Variants in FAM227B observed in about 807,000 individuals in gnomAD.
FAM227B encodes protein FAM227B.
Under a neutral mutation model 73.8 loss-of-function variants are expected in FAM227B, and 88 were observed. That is an observed-to-expected ratio of 1.19 (90% CI 1.00 to 1.42). FAM227B has a LOEUF of 1.42. Among genes scored for constraint, FAM227B ranks in the 40% most tolerant of loss-of-function variants. The pLI, the probability that FAM227B is intolerant of heterozygous loss-of-function variation, is 0.00. For synonymous variants in FAM227B, 210 were observed against 190.5 expected (o/e 1.10, Z -0.84); for missense variants, 632 against 590.9 (o/e 1.07, Z -0.72).
intron 8 of FAM227B, among the ~76,000 whole-genome samples, chr15:49,573,439 A>G (rs1025207715): frequency 2.0e-5 from 3 of 152,170 alleles, no homozygotes; most frequent in African/African-American, 7.2e-5. Context: ...CCCAAAGTTC[A>G]TGTATTGAAA....
At chr15:49,617,984 G>A (rs1425908470) in intron 1 of FAM227B, among the ~76,000 whole-genome samples, 1 of 152,096 alleles carries the variant, frequency 6.6e-6, no homozygotes, top group Non-Finnish European at 1.5e-5. Flanking sequence ...TATCTTCAAA[G>A]CCAGCAGTGT....
At chr15:49,398,021 C>T (rs1012255062) in intron 11 of FAM227B, among the ~76,000 whole-genome samples, 1 of 152,118 alleles carries the variant, frequency 6.6e-6, no homozygotes, top group African/African-American at 2.4e-5. Context: ...TGTAAATGGA[C>T]TAAATGCTCC....
chr15:49,397,833 A>G (rs1596876938), intron 11 of FAM227B, among the ~76,000 whole-genome samples: 1 of 152,208 alleles, frequency 6.6e-6, no homozygotes, highest in African/African-American at 2.4e-5. Flanking sequence ...GCCCTAAAAG[A>G]GCTTCTGAAG....
At chr15:49,564,653 C>T (rs1330756681) in intron 9 of FAM227B, among the ~76,000 whole-genome samples, 1 of 151,938 alleles carries the variant, frequency 6.6e-6, no homozygotes, top group Non-Finnish European at 1.5e-5. Flanking sequence ...GAATACTATA[C>T]AGCTATAAAA....
intron 10 of FAM227B, among the ~76,000 whole-genome samples, chr15:49,533,370 T>A (rs1287512311): frequency 6.6e-6 from 1 of 151,974 alleles, no homozygotes; most frequent in Non-Finnish European, 1.5e-5. Flanking sequence ...GAATGTTCTG[T>A]ATATGTCTGT....
intron 13 of FAM227B, chr15:49,344,065 A>G (rs1203708453): frequency 2.0e-5 from 3 of 152,200 alleles, no homozygotes; most frequent in East Asian, 3.8e-4. Context: ...TCTAAAAGGA[A>G]AGTAGTGGAA....
intron 10 of FAM227B, among the ~76,000 whole-genome samples, chr15:49,526,263 CA>C (rs1320195293): frequency 2.6e-5 from 4 of 152,058 alleles, no homozygotes; most frequent in Admixed American, 2.0e-4. Flanking sequence ...CAAAGTTACA[CA>C]AGTACAGGGA....
chr15:49,524,118 G>T (rs1409726155), intron 10 of FAM227B, among the ~76,000 whole-genome samples: 1 of 152,170 alleles, frequency 6.6e-6, no homozygotes, highest in Non-Finnish European at 1.5e-5. Flanking sequence ...AAGTAATGAA[G>T]AGCTGAATGT....
At chr15:49,512,249 A>G (rs1192948803) in intron 10 of FAM227B, among the ~76,000 whole-genome samples, 1 of 152,100 alleles carries the variant, frequency 6.6e-6, no homozygotes, top group East Asian at 1.9e-4. Context: ...GAAGTATTTG[A>G]TTTTTGGCTG....
intron 11 of FAM227B, among the ~76,000 whole-genome samples, chr15:49,482,285 A>G (rs1423910414): frequency 1.3e-5 from 2 of 149,558 alleles, no homozygotes; most frequent in African/African-American, 5.0e-5. Flanking sequence ...TTTAAGGAAG[A>G]TATATATAAT....
intron 11 of FAM227B, among the ~76,000 whole-genome samples, chr15:49,480,784 T>C (rs377410158): frequency 2.6e-5 from 4 of 152,046 alleles, no homozygotes; most frequent in African/African-American, 9.6e-5. Flanking sequence ...CATCCAGCCA[T>C]CCCCTTTGTA....
intron 2 of FAM227B, among the ~76,000 whole-genome samples, chr15:49,614,470 T>G (rs1340229685): frequency 6.6e-6 from 1 of 152,362 alleles, no homozygotes; most frequent in South Asian, 2.1e-4. Flanking sequence ...ACCAAATGCA[T>G]GTACTTCTCA....
At chr15:49,345,708 G>A (rs2041375958) in intron 13 of FAM227B, among the ~76,000 whole-genome samples, 1 of 152,154 alleles carries the variant, frequency 6.6e-6, no homozygotes, top group Admixed American at 6.5e-5. Context: ...GTCCTTTTCT[G>A]GGACTTCACA....
intron 11 of FAM227B, chr15:49,424,534 C>T (rs1462969318): frequency 1.3e-5 from 21 of 1,601,486 alleles, no homozygotes; most frequent in African/African-American, 8.1e-5. Context: ...ACCTGAGGAT[C>T]GATAAAAGAG....
At position 49,470,036 on chromosome 15, in the gene FAM227B, A is replaced by C. The variant is rs543095194; in HGVS notation, c.1012+38175T>G. Among the ~76,000 whole-genome samples, 7 of 152,272 alleles carry C rather than the reference A, an allele frequency of 4.6e-5. No individual in the cohort carries two copies. The East Asian group carries it at 1.2e-3, about 25-fold the overall frequency. ...TAGCTATGCTTTAACATATTTCTTA[A>C]TTCTCTGGTAAAATTTAAGCCCTGC... On this transcript the variant is annotated intron_variant, in intron 11 of 15. Transcript: ENST00000299338.
intron 3 of FAM227B, among the ~76,000 whole-genome samples, chr15:49,598,202 T>G (rs1368605281): frequency 6.6e-6 from 1 of 151,838 alleles, no homozygotes; most frequent in Non-Finnish European, 1.5e-5. Flanking sequence ...TTCTTTAAAT[T>G]TATCCATAAG....
At chr15:49,561,448 G>A (rs1347719999) in intron 9 of FAM227B, among the ~76,000 whole-genome samples, 1 of 152,110 alleles carries the variant, frequency 6.6e-6, no homozygotes, top group Non-Finnish European at 1.5e-5. Flanking sequence ...GACAGCATTA[G>A]ACAGATCATC....
chr15:49,330,529 G>A (rs977249764), intron 15 of FAM227B: 1 of 152,184 alleles, frequency 6.6e-6, no homozygotes, highest in African/African-American at 2.4e-5. Context: ...AACTAGGGCT[G>A]AGATAGTAGC....
intron 13 of FAM227B, among the ~76,000 whole-genome samples, chr15:49,362,054 G>A (rs1267979816): frequency 1.3e-5 from 2 of 152,124 alleles, no homozygotes; most frequent in African/African-American, 4.8e-5. Flanking sequence ...CTTTTGAAAT[G>A]TGTTCATTCA....
Sources: allele counts gnomAD v4.1 joint callset (sites outside exome capture counted in the v4.1 genomes callset), GRCh38; gene constraint gnomAD v4.1.1; transcripts MANE v1.5; gene names NCBI Gene and HGNC (gene_info 2026-07-23, HGNC 2026-07-21).